The following ADAMTS17 variants were observed in gnomAD, a reference collection of about 807,000 sequenced individuals.
ADAMTS17 encodes ADAM metallopeptidase with thrombospondin type 1 motif 17.
Under a neutral mutation model 141.5 loss-of-function variants are expected in ADAMTS17, and 113 were observed. The ratio of observed to expected loss-of-function variants is 0.80; its 90% CI spans 0.69 to 0.93. The LOEUF is 0.93. Ranked by LOEUF, ADAMTS17 falls within the 40% of genes least tolerant of loss-of-function variation. The probability of loss-of-function intolerance (pLI) is 0.00; values close to 1 mark genes in which losing one functional copy is unlikely to be tolerated. For missense variants in ADAMTS17, 1,659 were observed against 1,517.9 expected, an observed-to-expected ratio of 1.09 and a Z score of -1.54; for synonymous variants, 768 against 630.6, an observed-to-expected ratio of 1.22 and a Z score of -3.27.
chr15:100,275,084 C>A (rs931285674), intron 4 of ADAMTS17, among the ~76,000 whole-genome samples: 1 of 152,144 alleles, frequency 6.6e-6, no homozygotes, highest in South Asian at 2.1e-4. Context: ...CAGGGTGGGC[C>A]TCATCAGAGG....
chr15:99,982,614 C>G (rs1462997798), intron 20 of ADAMTS17, among the ~76,000 whole-genome samples: 1 of 152,204 alleles, frequency 6.6e-6, no homozygotes, highest in African/African-American at 2.4e-5. Flanking sequence ...CCAAGCATTG[C>G]TGTGAAGCCA....
intron 18 of ADAMTS17, among the ~76,000 whole-genome samples, chr15:100,036,623 A>G (rs2030744919): frequency 6.6e-6 from 1 of 152,230 alleles, no homozygotes; most frequent in Admixed American, 6.5e-5. Context: ...TAACTCATAT[A>G]CCACAATGCA....
intron 18 of ADAMTS17, among the ~76,000 whole-genome samples, chr15:100,045,536 G>A (rs775509120): frequency 6.6e-6 from 1 of 152,196 alleles, no homozygotes; most frequent in South Asian, 2.1e-4. Flanking sequence ...GCTGTGCTAT[G>A]TGGAGTCTGG....
In ADAMTS17 at chr15:100,194,103, G is replaced by A. The variant is rs114982665; in HGVS notation, c.1181+5215C>T. Among the ~76,000 whole-genome samples the A allele has an allele frequency of 5.6e-3, 847 of 152,302 alleles. 14 individuals are homozygous for A. Among genetic ancestry groups the A allele is most frequent in the African/African-American group, 0.018 (764 of 41,556 alleles). ...CTCTGTATAAAGATATATCCTCTTC[G>A]TTTTTCTGAGTGGGTGGCGGATAGT... On this transcript the variant is annotated intron_variant, in intron 8 of 21. Coordinates refer to ENST00000268070, the MANE Select transcript of ADAMTS17 (RefSeq NM_139057.4).
chr15:100,256,583 G>A (rs1213958213), intron 6 of ADAMTS17: 1 of 152,260 alleles, frequency 6.6e-6, no homozygotes, highest in Non-Finnish European at 1.5e-5. Flanking sequence ...CGCAAAGCCT[G>A]GCAAGAGGGT....
At chr15:100,146,729 C>G (rs541304105) in intron 10 of ADAMTS17, among the ~76,000 whole-genome samples, 13 of 152,356 alleles carry the variant, frequency 8.5e-5, no homozygotes, top group African/African-American at 3.1e-4. Context: ...AATTATTTTT[C>G]TTAGCAAGGA....
intron 9 of ADAMTS17, among the ~76,000 whole-genome samples, chr15:100,154,482 C>A (rs1391270139): frequency 6.6e-6 from 1 of 152,144 alleles, no homozygotes; most frequent in Non-Finnish European, 1.5e-5. Context: ...GTGAGACTCG[C>A]CGACTCACTG....
At chr15:100,102,429 A>C (rs1485206607) in intron 14 of ADAMTS17, among the ~76,000 whole-genome samples, 3 of 64,280 alleles carry the variant, frequency 4.7e-5, no homozygotes, top group East Asian at 4.2e-4. Context: ...ACCGAAGGGG[A>C]TCTACATTTG....
At chr15:100,103,764 C>T (rs1207920750) in intron 14 of ADAMTS17, among the ~76,000 whole-genome samples, 3 of 152,044 alleles carry the variant, frequency 2.0e-5, no homozygotes, top group Non-Finnish European at 4.4e-5. Context: ...TTGGTAGAGA[C>T]GGGGTTTCAC....
At chr15:100,312,190 C>T (rs986653233) in intron 3 of ADAMTS17, among the ~76,000 whole-genome samples, 8 of 152,204 alleles carry the variant, frequency 5.3e-5, no homozygotes, top group African/African-American at 7.2e-5. Flanking sequence ...GAGATGCACA[C>T]GTTATCCTGG....
At chr15:100,326,046 G>A (rs557015082) in intron 3 of ADAMTS17, among the ~76,000 whole-genome samples, 13 of 152,212 alleles carry the variant, frequency 8.5e-5, no homozygotes, top group Non-Finnish European at 8.8e-5. Flanking sequence ...CAGCCTCTTC[G>A]CTCCACACAC....
intron 20 of ADAMTS17, among the ~76,000 whole-genome samples, chr15:99,988,081 C>T (rs1274257272): frequency 1.3e-5 from 2 of 152,070 alleles, no homozygotes; most frequent in Middle Eastern, 3.2e-3. Context: ...GCTAAGACCT[C>T]TCCATAACAG....
At chr15:100,286,794 A>G (rs1417715869) in intron 3 of ADAMTS17, among the ~76,000 whole-genome samples, 1 of 152,216 alleles carries the variant, frequency 6.6e-6, no homozygotes, top group Admixed American at 6.5e-5. Context: ...ATGGTTCTTA[A>G]CCAGGCTGAA....
At chr15:100,049,100 G>A (rs1303758212) in intron 17 of ADAMTS17, 108 bp from the exon 18 acceptor site, 10 of 1,506,244 alleles carry the variant, frequency 6.6e-6, no homozygotes, top group Admixed American at 5.2e-5. Flanking sequence ...TGGTCACTTG[G>A]TCATTTAAAG....
chr15:100,148,611 T>C (rs1380132281), intron 10 of ADAMTS17, among the ~76,000 whole-genome samples: 2 of 152,086 alleles, frequency 1.3e-5, no homozygotes, highest in Non-Finnish European at 2.9e-5. Flanking sequence ...TTTACCTTTA[T>C]CTGTATATAA....
intron 15 of ADAMTS17, among the ~76,000 whole-genome samples, chr15:100,071,942 A>G (rs146181359): frequency 0.7 from 103,898 of 149,224 alleles, 40,376 homozygotes; most frequent in Non-Finnish European, 0.85. Context: ...AGGGTATTCA[A>G]TTAGGAAAAG....
intron 8 of ADAMTS17, among the ~76,000 whole-genome samples, chr15:100,177,424 T>C (rs2040375649): frequency 6.6e-6 from 1 of 152,238 alleles, no homozygotes; most frequent in Non-Finnish European, 1.5e-5. Flanking sequence ...AAATGTGTTA[T>C]TTAATTTTCA....
intron 18 of ADAMTS17, among the ~76,000 whole-genome samples, chr15:100,047,179 G>A (rs1051464733): frequency 6.6e-5 from 10 of 150,602 alleles, no homozygotes; most frequent in Admixed American, 2.0e-4. Context: ...GGAAATTCCC[G>A]CCTAATAAAT....
At chr15:100,000,736 C>G (rs2060904287) in intron 18 of ADAMTS17, among the ~76,000 whole-genome samples, 1 of 152,142 alleles carries the variant, frequency 6.6e-6, no homozygotes, top group Admixed American at 6.5e-5. Context: ...TGGTCTCGAA[C>G]TCCTGACCTT....
Sources: allele counts gnomAD v4.1 joint callset (sites outside exome capture counted in the v4.1 genomes callset), GRCh38; gene constraint gnomAD v4.1.1; transcripts MANE v1.5; gene names NCBI Gene and HGNC (gene_info 2026-07-23, HGNC 2026-07-21).